The following SNX7 variants were observed in gnomAD, a reference collection of about 807,000 sequenced individuals.
The protein encoded by SNX7 is sorting nexin-7.
Under a neutral mutation model 48.4 loss-of-function variants are expected in SNX7, and 35 were observed. That is an observed-to-expected ratio of 0.72 (90% CI 0.55 to 0.96). The LOEUF (loss-of-function observed/expected upper bound fraction) is 0.96. SNX7 is among the 40% of genes least tolerant of loss of function. The probability of loss-of-function intolerance (pLI) is 0.00; values close to 1 mark genes in which losing one functional copy is unlikely to be tolerated. For missense variants in SNX7, 553 were observed against 548.9 expected, an observed-to-expected ratio of 1.01 and a Z score of -0.07; for synonymous variants, 190 against 190.2, an observed-to-expected ratio of 1.00 and a Z score of 0.01.
chr1:98,723,592 C>T (rs977695042), intron 7 of SNX7, among the ~76,000 whole-genome samples: 1 of 151,892 alleles, frequency 6.6e-6, no homozygotes, highest in Non-Finnish European at 1.5e-5. Context: ...AGGTCGGGTG[C>T]AGTGGCTCAC....
intron 1 of SNX7, among the ~76,000 whole-genome samples, chr1:98,674,478 A>G (rs918705139): frequency 6.6e-6 from 1 of 152,018 alleles, no homozygotes; most frequent in Non-Finnish European, 1.5e-5. Context: ...GTCCACATTT[A>G]CCCTTTTTAT....
At chr1:98,758,789 T>C (rs908990340) in intron 8 of SNX7, among the ~76,000 whole-genome samples, 1 of 152,066 alleles carries the variant, frequency 6.6e-6, no homozygotes, top group Non-Finnish European at 1.5e-5. Context: ...ATTATACGAA[T>C]CTTTTAGCTT....
At chr1:98,685,880 T>G (rs1490356197) in intron 2 of SNX7, among the ~76,000 whole-genome samples, 2 of 152,116 alleles carry the variant, frequency 1.3e-5, no homozygotes, top group Non-Finnish European at 1.5e-5. Context: ...CTTAAAATCC[T>G]TTCTTGGCCC....
Position 98,738,379 on chromosome 1 carries a change from A to T in SNX7, c.1268A>T (p.Tyr423Phe). The change falls in exon 8 of 9, where the codon TAT becomes TTT. Residue 423 changes from tyrosine to phenylalanine, a missense_variant. Transcript: ENST00000306121. Reference sequence around the variant, plus strand: ...GATATGGCTGAGGAGAATATCCATTATTATGAACAGGTAATTAGTGTTGTT... The same window carrying T: ...GATATGGCTGAGGAGAATATCCATTTTTATGAACAGGTAATTAGTGTTGTT... ...FTDMAEENIHYYEQCLATWES... is the reference protein window; with the variant it reads ...FTDMAEENIHFYEQCLATWES... 3 of 1,612,828 alleles carry T rather than the reference A, an allele frequency of 1.9e-6. No homozygotes were observed. Among genetic ancestry groups the T allele is most frequent in the Non-Finnish European group, 2.5e-6 (3 of 1,179,308 alleles).
intron 1 of SNX7, among the ~76,000 whole-genome samples, chr1:98,668,037 G>A (rs1649637335): frequency 6.6e-6 from 1 of 152,120 alleles, no homozygotes; most frequent in Non-Finnish European, 1.5e-5. Flanking sequence ...TCTCTTATAG[G>A]TTAAGTATTC....
Position 98,738,383 on chromosome 1 carries a change from T to G in SNX7, c.1272T>G (p.Tyr424Ter), listed in dbSNP as rs1442036318. 4 of 1,612,656 alleles carry G rather than the reference T, an allele frequency of 2.5e-6. No homozygotes were observed. The Admixed American group carries it at 6.7e-5, about 27-fold the overall frequency. ...TGGCTGAGGAGAATATCCATTATTATGAACAGGTAATTAGTGTTGTTTGAT... is the reference window on the plus strand; with the variant it reads ...TGGCTGAGGAGAATATCCATTATTAGGAACAGGTAATTAGTGTTGTTTGAT... ...TDMAEENIHY[Y>*]EQCLATWESF... The change falls in exon 8 of 9, where the codon TAT becomes TAG. Residue 424 changes from tyrosine to a stop codon, truncating the protein, a stop_gained. Coordinates refer to ENST00000306121, the MANE Select transcript of SNX7 (RefSeq NM_015976.5). LOFTEE classifies it low-confidence loss of function (END_TRUNC).
chr1:98,671,902 TAAAC>T (rs1430597345), intron 1 of SNX7, among the ~76,000 whole-genome samples: 9 of 152,316 alleles, frequency 5.9e-5, no homozygotes, highest in African/African-American at 1.2e-4. Flanking sequence ...GTTTTTAAGA[TAAAC>T]AAGCTGAATC....
At chr1:98,696,852 T>C (rs144188278) in intron 5 of SNX7, among the ~76,000 whole-genome samples, 144 of 152,184 alleles carry the variant, frequency 9.5e-4, no homozygotes, top group South Asian at 2.1e-3. Flanking sequence ...CTGGAAACTA[T>C]TGGTAGTTAA....
At chr1:98,696,454 T>G (rs1016281912) in intron 5 of SNX7, among the ~76,000 whole-genome samples, 2 of 152,098 alleles carry the variant, frequency 1.3e-5, no homozygotes, top group Non-Finnish European at 2.9e-5. Context: ...ATCCGGGCAG[T>G]GTTTAAACAT....
intron 1 of SNX7, among the ~76,000 whole-genome samples, chr1:98,677,877 CAA>C (rs11346156): frequency 2.6e-3 from 304 of 116,526 alleles, no homozygotes; most frequent in Middle Eastern, 4.0e-3. Context: ...GACGCTGTCT[CAA>C]AAAAAAAAAA....
intron 1 of SNX7, among the ~76,000 whole-genome samples, chr1:98,674,961 G>C (rs915724035): frequency 1.1e-4 from 17 of 152,086 alleles, no homozygotes; most frequent in Non-Finnish European, 1.5e-5. Context: ...AAGAAGTAGA[G>C]ATTTGTCACA....
chr1:98,754,405 T>G (rs911997088), intron 8 of SNX7, among the ~76,000 whole-genome samples: 1 of 152,064 alleles, frequency 6.6e-6, no homozygotes, highest in Admixed American at 6.6e-5. Flanking sequence ...TTATATGGAA[T>G]TAGTATGATT....
At chr1:98,711,761 G>A (rs1046865022) in intron 7 of SNX7, among the ~76,000 whole-genome samples, 1 of 152,128 alleles carries the variant, frequency 6.6e-6, no homozygotes, top group Admixed American at 6.5e-5. Flanking sequence ...AAGGAAGTTT[G>A]CTGCAGAGAT....
intron 7 of SNX7, among the ~76,000 whole-genome samples, chr1:98,712,008 G>T (rs9727154): frequency 0.94 from 142,759 of 152,254 alleles, 67,323 homozygotes; most frequent in Non-Finnish European, 0.99. Context: ...AAGAAGCAAC[G>T]TCTCATCTGT....
chr1:98,664,420 C>T (rs1269354411), intron 1 of SNX7, among the ~76,000 whole-genome samples: 5 of 152,092 alleles, frequency 3.3e-5, no homozygotes, highest in East Asian at 1.9e-4. Flanking sequence ...CCTAGCTAAC[C>T]GGGAAGCTGA....
At chr1:98,748,631 G>T (rs1194451276) in intron 8 of SNX7, among the ~76,000 whole-genome samples, 1 of 89,872 alleles carries the variant, frequency 1.1e-5, no homozygotes, top group Non-Finnish European at 2.2e-5. Flanking sequence ...AGGAAGAAAT[G>T]ATTTAAACAC....
chr1:98,757,007 CAGG>C (rs1022348595), intron 8 of SNX7, among the ~76,000 whole-genome samples: 1 of 152,100 alleles, frequency 6.6e-6, no homozygotes, highest in Non-Finnish European at 1.5e-5. Context: ...TCTGAGTTCA[CAGG>C]AGATCTGGTT....
chr1:98,663,086 T>G (rs1649335802), intron 1 of SNX7, among the ~76,000 whole-genome samples: 1 of 152,182 alleles, frequency 6.6e-6, no homozygotes, highest in Non-Finnish European at 1.5e-5. Context: ...CCACACATAC[T>G]TCATGTTCAG....
At chr1:98,742,081 C>T (rs1243795992) in intron 8 of SNX7, among the ~76,000 whole-genome samples, 4 of 152,072 alleles carry the variant, frequency 2.6e-5, no homozygotes, top group Non-Finnish European at 4.4e-5. Flanking sequence ...AAATGGGGAA[C>T]CATTTACCCA....
Sources: gnomAD v4.1 joint callset for allele counts (sites outside exome capture counted in the v4.1 genomes callset) on GRCh38, gnomAD v4.1.1 for gene constraint, MANE v1.5 for transcripts, NCBI Gene and HGNC (gene_info 2026-07-23, HGNC 2026-07-21) for gene names.